KSR2: variants seen among roughly 807,000 people sequenced by gnomAD.
KSR2 encodes kinase suppressor of ras 2.
KSR2 carries 25 observed loss-of-function variants against 107.8 expected under a neutral mutation model. That is an observed-to-expected ratio of 0.23 (90% CI 0.17 to 0.32). The LOEUF is 0.32. Among genes scored for constraint, KSR2 ranks in the 10% least tolerant of loss-of-function variants. The probability of loss-of-function intolerance (pLI) is 1.00; values close to 1 mark genes in which losing one functional copy is unlikely to be tolerated. For missense variants in KSR2, 887 were observed against 1,268.9 expected (o/e 0.70, Z 4.57); for synonymous variants, 480 against 507.0 (o/e 0.95, Z 0.71).
chr12:117,509,495 G>A (rs931706975), intron 14 of KSR2, among the ~76,000 whole-genome samples: 2 of 152,226 alleles, frequency 1.3e-5, no homozygotes, highest in African/African-American at 4.8e-5. Flanking sequence ...AAGGCCAGCT[G>A]AGCCTAGCAA....
At chr12:117,633,414 G>T (rs1333428803) in intron 5 of KSR2, among the ~76,000 whole-genome samples, 2 of 152,184 alleles carry the variant, frequency 1.3e-5, no homozygotes, top group East Asian at 3.9e-4. Context: ...GGGCTCCTGG[G>T]TCAGGGAATA....
chr12:117,760,809 AT>A, intron 4 of KSR2, among the ~76,000 whole-genome samples: 2 of 152,172 alleles, frequency 1.3e-5, no homozygotes, highest in Non-Finnish European at 2.9e-5. Context: ...TATTAATCGT[AT>A]TTTTTAAACG....
intron 5 of KSR2, among the ~76,000 whole-genome samples, chr12:117,635,317 T>G (rs1053841123): frequency 3.3e-5 from 5 of 152,164 alleles, no homozygotes; most frequent in Non-Finnish European, 5.9e-5. Context: ...TAGGTGATTA[T>G]GAAGTGATTA....
At chr12:117,872,832 G>A (rs1398889968) in intron 1 of KSR2, among the ~76,000 whole-genome samples, 3 of 152,076 alleles carry the variant, frequency 2.0e-5, no homozygotes, top group Admixed American at 2.0e-4. Context: ...TCAACAATCA[G>A]TCCCCTCTCC....
At chr12:117,486,709 G>A (rs961262245) in intron 14 of KSR2, among the ~76,000 whole-genome samples, 2 of 152,176 alleles carry the variant, frequency 1.3e-5, no homozygotes, top group Non-Finnish European at 2.9e-5. Context: ...AAGCAAGAGC[G>A]CTGGCATCAG....
At chr12:117,956,040 G>A (rs574712366) in intron 1 of KSR2, among the ~76,000 whole-genome samples, 13 of 151,264 alleles carry the variant, frequency 8.6e-5, no homozygotes, top group African/African-American at 2.4e-4. Context: ...CATGAGGTCA[G>A]GAAATCGAGA....
At chr12:117,930,775 G>A (rs559145408) in intron 1 of KSR2, among the ~76,000 whole-genome samples, 1 of 152,054 alleles carries the variant, frequency 6.6e-6, no homozygotes, top group Admixed American at 6.6e-5. Flanking sequence ...TTAGCCAGAC[G>A]TGGTGGCACG....
chr12:117,766,847 C>T (rs1221908187), intron 3 of KSR2, among the ~76,000 whole-genome samples: 2 of 131,010 alleles, frequency 1.5e-5, no homozygotes, highest in Non-Finnish European at 3.1e-5. Flanking sequence ...GGAGAACTGC[C>T]AGTCGTTCAG....
chr12:117,782,516 T>C (rs537996624), intron 3 of KSR2, among the ~76,000 whole-genome samples: 11 of 152,324 alleles, frequency 7.2e-5, no homozygotes, highest in African/African-American at 2.6e-4. Context: ...CCATCCACCT[T>C]GGCCTCCCAA....
chr12:117,928,477 C>T (rs192049232), intron 1 of KSR2, among the ~76,000 whole-genome samples: 9 of 152,320 alleles, frequency 5.9e-5, no homozygotes, highest in Non-Finnish European at 7.4e-5. Flanking sequence ...AGCCACCACG[C>T]CTGGCCTTCA....
At chr12:117,739,162 T>C (rs1389529519) in intron 4 of KSR2, among the ~76,000 whole-genome samples, 3 of 152,146 alleles carry the variant, frequency 2.0e-5, no homozygotes, top group African/African-American at 4.8e-5. Context: ...GAGACTATCC[T>C]GGCTGACACG....
At chr12:117,634,816 T>C (rs902610000) in intron 5 of KSR2, among the ~76,000 whole-genome samples, 1 of 152,168 alleles carries the variant, frequency 6.6e-6, no homozygotes, top group Admixed American at 6.5e-5. Context: ...AGACAAATCA[T>C]ATTCATCTTC....
intron 7 of KSR2, 61 bp from the exon 8 acceptor site, chr12:117,558,634 G>A: frequency 7.6e-7 from 1 of 1,314,558 alleles, no homozygotes; most frequent in Non-Finnish European, 1.1e-6. Flanking sequence ...CGGGTAGGTG[G>A]GTGGGTGGAT....
At chr12:117,798,460 C>T (rs1890711679) in intron 3 of KSR2, among the ~76,000 whole-genome samples, 1 of 152,088 alleles carries the variant, frequency 6.6e-6, no homozygotes, top group African/African-American at 2.4e-5. Flanking sequence ...TGGTGAAACC[C>T]CATCTCTACT....
chr12:117,711,031 A>G (rs1044787793), intron 4 of KSR2, among the ~76,000 whole-genome samples: 2 of 152,172 alleles, frequency 1.3e-5, no homozygotes, highest in Admixed American at 1.3e-4. Flanking sequence ...CCATTAGTCT[A>G]AGTCAGATCC....
intron 10 of KSR2, among the ~76,000 whole-genome samples, chr12:117,534,997 G>T (rs1006949430): frequency 5.9e-5 from 9 of 152,166 alleles, no homozygotes; most frequent in African/African-American, 2.2e-4. Flanking sequence ...CTGGCCTCTA[G>T]AACCATAAGA....
intron 14 of KSR2, among the ~76,000 whole-genome samples, chr12:117,501,619 T>C (rs1873381989): frequency 6.6e-6 from 1 of 152,306 alleles, no homozygotes; most frequent in South Asian, 2.1e-4. Flanking sequence ...GCAAGTGTCA[T>C]AGGTCTAAGG....
chr12:117,954,099 A>G (rs1476758750), intron 1 of KSR2, among the ~76,000 whole-genome samples: 2 of 152,114 alleles, frequency 1.3e-5, no homozygotes, highest in African/African-American at 4.8e-5. Flanking sequence ...CAAAAAAAAA[A>G]AAGTTAAAAT....
At chr12:117,685,778 C>A (rs1264749278) in intron 4 of KSR2, among the ~76,000 whole-genome samples, 1 of 152,222 alleles carries the variant, frequency 6.6e-6, no homozygotes, top group Non-Finnish European at 1.5e-5. Flanking sequence ...ACCCCCAACC[C>A]ACCACCAGAG....
Sources: allele counts gnomAD v4.1 joint callset (sites outside exome capture counted in the v4.1 genomes callset), GRCh38; gene constraint gnomAD v4.1.1; transcripts MANE v1.5; gene names NCBI Gene and HGNC (gene_info 2026-07-23, HGNC 2026-07-21).